MYO18A: variants seen among roughly 807,000 people sequenced by gnomAD.
MYO18A encodes unconventional myosin-XVIIIa.
In MYO18A, 78 loss-of-function variants were observed where a neutral mutation model predicts 235.8. The ratio of observed to expected loss-of-function variants is 0.33; its 90% confidence interval spans 0.28 to 0.40. MYO18A has a LOEUF of 0.40. MYO18A is among the 10% of genes least tolerant of loss of function. MYO18A has a pLI of 1.00. For synonymous variants in MYO18A, 977 were observed against 1,077.8 expected (o/e 0.91, Z 1.83); for missense variants, 2,215 against 2,699.3 (o/e 0.82, Z 3.98).
Position 29,118,498 on chromosome 17 carries a change from C to A in MYO18A, c.1830-58G>T. 1 of 1,494,566 alleles carries A rather than the reference C, an allele frequency of 6.7e-7. No homozygotes were observed. Among genetic ancestry groups the A allele is most frequent in the East Asian group, 2.4e-5 (1 of 42,472 alleles). The allele number at this position is 1,494,566 out of a possible 1,614,324, so 92.6% of individuals were successfully genotyped here. On this transcript the variant is annotated intron_variant, in intron 8 of 41. Transcript: ENST00000527372. This position sits in a 1 kb window ranked among gnomAD's most constrained non-coding sequence, Gnocchi z 4.2. ...TTGGTCCCCATGCCAAGGCCATTTC[C>A]GCCCAGGGTGGAGACAGACAGACTC...
At position 29,095,013 on chromosome 17, in the gene MYO18A, T is replaced by C; in HGVS notation, c.4432A>G (p.Lys1478Glu). The C allele has an allele frequency of 6.3e-7, 1 of 1,580,100 alleles. No individual in the cohort carries two copies. The highest frequency in any genetic ancestry group is 2.3e-5 in the East Asian group (1 of 43,228). ...SQAHEEAQRE[K>E]LQREKLQREK... The stretch of plus-strand genomic sequence containing the variant: ...CGCTGCAGCTTCTCCCGCTGCAGCT[T>C]CTCCCGCTGGGCCTCCTCATGCGCC... Residue 1478 changes from lysine to glutamate, a missense_variant, in exon 29 of 42, where the codon AAG becomes GAG. Coordinates refer to ENST00000527372, the MANE Select transcript of MYO18A (RefSeq NM_078471.4).
At chr17:29,110,366 C>T (rs1448338514) in intron 18 of MYO18A, 70 bp downstream of exon 18, 17 of 1,487,180 alleles carry the variant, frequency 1.1e-5, no homozygotes, top group Non-Finnish European at 1.4e-5. Context: ...TGCTCGGAGT[C>T]CCCAGGCCTG....
Position 29,110,701 on chromosome 17 carries a change from CAG to C in MYO18A, c.2901-81_2901-80del, listed in dbSNP as rs908239825. The C allele has an allele frequency of 8.4e-6, 12 of 1,430,738 alleles. No individual in the cohort carries two copies. In the African/African-American group the frequency reaches 1.1e-4, roughly 13 times the overall value. The allele number at this position is 1,430,738 out of a possible 1,614,324, so 88.6% of individuals were successfully genotyped here. On this transcript the variant is annotated intron_variant, in intron 17 of 41. Transcript: ENST00000527372. ...AAAGGCCGCTCCTCCCCCAAGGCCC[CAG>C]AACACTAAACAGTCCCATTCAGCCA...
At position 29,180,187 on chromosome 17, in the gene MYO18A, G is replaced by GGGA. The variant is rs1216959487; in HGVS notation, c.-82+123_-82+125dup. 3 of 151,298 alleles carry GGGA rather than the reference G, an allele frequency of 2.0e-5. No individual in the cohort carries two copies. Among genetic ancestry groups the GGGA allele is most frequent in the African/African-American group, 4.8e-5 (2 of 41,314 alleles). The allele number at this position is 151,298 out of a possible 1,614,324, so 9.4% of individuals were successfully genotyped here. Reference sequence around the variant, plus strand: ...CCGGGCCGCTGCTTCCAGGGGACGGGGGAGGAGGAGGAGGAGCCGGCGGGC... The same window carrying GGGA: ...CCGGGCCGCTGCTTCCAGGGGACGGGGGAGGAGGAGGAGGAGGAGCCGGCGGGC... On this transcript the variant is annotated intron_variant, in intron 1 of 41. Coordinates refer to ENST00000527372, the MANE Select transcript of MYO18A (RefSeq NM_078471.4). The surrounding 1 kb of genome is among the most constrained non-coding windows in gnomAD (Gnocchi z 6.1).
In MYO18A at chr17:29,140,461, GC is replaced by G; in HGVS notation, c.1000-18209del. 8.2e-7 allele frequency: 1 copy of G among 1,216,418 alleles called. No individual in the cohort carries two copies. Among genetic ancestry groups the G allele is most frequent in the East Asian group, 6.1e-5 (1 of 16,264 alleles). 75.4% of individuals were successfully genotyped at this position (1,216,418 alleles called of 1,614,324 possible). On this transcript the variant is annotated intron_variant, in intron 2 of 41. Transcript: ENST00000527372. This position sits in a 1 kb window ranked among gnomAD's most constrained non-coding sequence, Gnocchi z 4.2. ...CCGCCCAGTTCCCGCCCTCTCCCCGGCCCCTCCCGTCCCGAGCTGCCCAGCC... is the reference window on the plus strand; with the variant it reads ...CCGCCCAGTTCCCGCCCTCTCCCCGGCCCTCCCGTCCCGAGCTGCCCAGCC...
chr17:29,112,009 G>T, intron 15 of MYO18A, 146 bp from the exon 16 acceptor site: 1 of 1,072,984 alleles, frequency 9.3e-7, no homozygotes, highest in Non-Finnish European at 1.3e-6. Flanking sequence ...GCCGCTCACT[G>T]CTGACACCTT....
chr17:29,095,785 C>T (rs886711558), intron 28 of MYO18A, among the ~76,000 whole-genome samples: 4 of 152,256 alleles, frequency 2.6e-5, no homozygotes, highest in Non-Finnish European at 4.4e-5. Flanking sequence ...CCCAACTCCA[C>T]ATCAAAAAAA....
At chr17:29,107,396 C>T (rs1281560345) in intron 19 of MYO18A, 2 of 562,464 alleles carry the variant, frequency 3.6e-6, no homozygotes, top group Non-Finnish European at 6.4e-6. Context: ...ATCAGGCCTG[C>T]TCCACAGGGG....
In MYO18A at chr17:29,180,197, G is replaced by A. The variant is rs1325962580; in HGVS notation, c.-82+116C>T. The stretch of plus-strand genomic sequence containing the variant: ...GCTTCCAGGGGACGGGGGAGGAGGA[G>A]GAGGAGCCGGCGGGCCCCGCCGCCC... On this transcript the variant is annotated intron_variant, in intron 1 of 41. Coordinates refer to ENST00000527372, the MANE Select transcript of MYO18A (RefSeq NM_078471.4). This position sits in a 1 kb window ranked among gnomAD's most constrained non-coding sequence, Gnocchi z 6.1. 6.6e-6 allele frequency: 1 copy of A among 151,226 alleles called. No homozygotes were observed. The highest frequency in any genetic ancestry group is 1.5e-5 in the Non-Finnish European group (1 of 67,518). The allele number at this position is 151,226 out of a possible 1,614,324, so 9.4% of individuals were successfully genotyped here.
At position 29,126,065 on chromosome 17, in the gene MYO18A, G is replaced by A. The variant is rs1263797020; in HGVS notation, c.1000-3812C>T. 2 of 610,322 alleles carry A rather than the reference G, an allele frequency of 3.3e-6. No homozygotes were observed. The highest frequency in any genetic ancestry group is 4.1e-6 in the Non-Finnish European group (2 of 486,562). 37.8% of individuals were successfully genotyped at this position (610,322 alleles called of 1,614,324 possible). A position where few individuals can be genotyped will look rare whatever the true frequency, so the allele number is the denominator to read the frequency against. On this transcript the variant is annotated intron_variant, in intron 2 of 41. Transcript: ENST00000527372. This position sits in a 1 kb window ranked among gnomAD's most constrained non-coding sequence, Gnocchi z 4.1. ...AAGCCACTGGGACCCACTAGGGAAG[G>A]GGAGCAGCGCCAGGGAGCAAGCCGC...
intron 14 of MYO18A, 166 bp from the exon 15 acceptor site, chr17:29,114,263 CTG>C (rs537062079): frequency 3.7e-5 from 22 of 594,796 alleles, no homozygotes; most frequent in Non-Finnish European, 6.3e-5. Flanking sequence ...AGGAAACACA[CTG>C]TATTTTTTGC....
At chr17:29,082,571 C>A in intron 40 of MYO18A, 133 bp from the exon 41 acceptor site, 1 of 867,268 alleles carries the variant, frequency 1.2e-6, no homozygotes, top group South Asian at 1.6e-5. Flanking sequence ...GTCGGGAGGG[C>A]GGGAATGAGA....
At position 29,126,219 on chromosome 17, in the gene MYO18A, G is replaced by T. The variant is rs1015220307; in HGVS notation, c.1000-3966C>A. Among the ~76,000 whole-genome samples the T allele has an allele frequency of 1.3e-5, 2 of 151,956 alleles. No individual in the cohort carries two copies. The highest frequency in any genetic ancestry group is 1.9e-4 in the East Asian group (1 of 5,184). On this transcript the variant is annotated intron_variant, in intron 2 of 41. Transcript: ENST00000527372. This position sits in a 1 kb window ranked among gnomAD's most constrained non-coding sequence, Gnocchi z 4.1. Reference sequence around the variant, plus strand: ...GCCCTATTATCCCACTTGCCCTCTGGACCCTTCCCCAGGCCCAGGTGACAG... The same window carrying T: ...GCCCTATTATCCCACTTGCCCTCTGTACCCTTCCCCAGGCCCAGGTGACAG...
Position 29,110,093 on chromosome 17 carries a change from G to T in MYO18A, c.3096C>A (p.Leu1032=). The change falls in exon 19 of 42, where the codon CTC becomes CTA. Residue 1032 remains leucine (L), a synonymous_variant. Transcript: ENST00000527372. The part of the protein sequence containing the change: ...CIQMKLQVDA[L]IDTIKKSKLH... ...GCTTTGACTTCTTGATGGTGTCGAT[G>T]AGGGCGTCCTGCCGAGGGGAAGAGA... is the stretch of plus-strand genomic sequence containing the variant. 6.2e-7 allele frequency: 1 copy of T among 1,610,250 alleles called. No homozygotes were observed.
At chr17:29,093,279 G>T in intron 32 of MYO18A, 44 bp downstream of exon 32, 1 of 1,534,886 alleles carries the variant, frequency 6.5e-7, no homozygotes. Flanking sequence ...CAGGCCGCAT[G>T]GGCAGGGAGC....
chr17:29,149,773 C>A (rs2067929999), intron 2 of MYO18A, among the ~76,000 whole-genome samples: 1 of 152,198 alleles, frequency 6.6e-6, no homozygotes, highest in Admixed American at 6.5e-5. Context: ...CCAAGCTCCC[C>A]CAAGGCCCAA....
intron 30 of MYO18A, chr17:29,094,323 T>G (rs1056818912): frequency 3.4e-6 from 2 of 596,916 alleles, no homozygotes; most frequent in African/African-American, 3.7e-5. Context: ...CTGCAGCTTC[T>G]CCGTCTGCCT....
At chr17:29,090,436 A>C in intron 36 of MYO18A, 96 bp downstream of exon 36, 1 of 1,099,920 alleles carries the variant, frequency 9.1e-7, no homozygotes, top group South Asian at 1.4e-5. Flanking sequence ...TACTGATGGC[A>C]GAGAAAAGCG....
intron 2 of MYO18A, chr17:29,129,048 T>C (rs1356679849): frequency 2.3e-6 from 3 of 1,289,230 alleles, no homozygotes; most frequent in Admixed American, 4.6e-5. Context: ...CTCCAGGGCG[T>C]CCTGACCTTT....
Sources: gnomAD v4.1 joint callset for allele counts (sites outside exome capture counted in the v4.1 genomes callset) on GRCh38, gnomAD v4.1.1 for gene constraint, Gnocchi (gnomAD v3.1) non-coding constraint, MANE v1.5 for transcripts, NCBI Gene and HGNC (gene_info 2026-07-23, HGNC 2026-07-21) for gene names.